Variants in TFDP2 observed in about 807,000 individuals in gnomAD.
TFDP2 encodes the protein transcription factor Dp-2 (E2F dimerization partner 2).
TFDP2 carries 17 observed loss-of-function variants against 59.3 expected under a neutral mutation model. The observed-to-expected ratio is 0.29, with a 90% confidence interval of 0.20 to 0.43. The LOEUF (loss-of-function observed/expected upper bound fraction) is 0.43, where lower values mean the gene tolerates loss of function less well. Among genes scored for constraint, TFDP2 ranks in the 20% least tolerant of loss-of-function variants. The probability of loss-of-function intolerance (pLI) is 1.00; values close to 1 mark genes in which losing one functional copy is unlikely to be tolerated. For synonymous variants in TFDP2, 180 were observed against 194.7 expected (o/e 0.92, Z 0.63); for missense variants, 391 against 528.8 (o/e 0.74, Z 2.56).
At chr3:142,113,507 C>T (rs1346050937) in intron 1 of TFDP2, among the ~76,000 whole-genome samples, 2 of 152,132 alleles carry the variant, frequency 1.3e-5, no homozygotes, top group East Asian at 1.9e-4. Flanking sequence ...TGATCCGCCC[C>T]GCCTCAGCCT....
At chr3:142,094,121 G>A (rs2061086791) in intron 2 of TFDP2, among the ~76,000 whole-genome samples, 1 of 151,862 alleles carries the variant, frequency 6.6e-6, no homozygotes, top group Non-Finnish European at 1.5e-5. Flanking sequence ...ACAAAGCCTG[G>A]AGGAAAAAAA....
At chr3:142,025,821 A>G (rs76166687) in intron 3 of TFDP2, among the ~76,000 whole-genome samples, 10,588 of 152,236 alleles carry the variant, frequency 0.07, 471 homozygotes, top group Non-Finnish European at 0.11. Context: ...TTCAAAGGCC[A>G]GGCGTGTGGG....
rs552798035 is a variant in TFDP2, at chr3:141,959,974, G to T, written c.885-134C>A. ...GCTAGAAATTGCTACCATTTAGAGA[G>T]CCATGAGTCATTCTGCTCTGTCAGG... On this transcript the variant is annotated intron_variant, in intron 10 of 12. Transcript: ENST00000489671. The T allele has an allele frequency of 3.2e-5, 24 of 750,260 alleles. 1 individual carries two copies. The South Asian group carries it at 4.5e-4, about 14-fold the overall frequency. 46.5% of individuals were successfully genotyped at this position (750,260 alleles called of 1,614,324 possible).
At chr3:142,118,271 T>G (rs903752434) in intron 1 of TFDP2, among the ~76,000 whole-genome samples, 4 of 152,230 alleles carry the variant, frequency 2.6e-5, no homozygotes, top group Middle Eastern at 6.8e-3. Context: ...ACTCTCAAAT[T>G]AGGAACTCTG....
intron 3 of TFDP2, among the ~76,000 whole-genome samples, chr3:142,042,181 G>A (rs1264008115): frequency 6.6e-6 from 1 of 152,004 alleles, no homozygotes; most frequent in Non-Finnish European, 1.5e-5. Context: ...TACTAATAAG[G>A]TGGTCTTATA....
chr3:141,984,814 G>T (rs1322918989), intron 6 of TFDP2, among the ~76,000 whole-genome samples: 1 of 152,164 alleles, frequency 6.6e-6, no homozygotes, highest in African/African-American at 2.4e-5. Flanking sequence ...TGTAGTTTAT[G>T]TATTATGTAT....
chr3:142,067,517 G>A (rs2060111448), intron 3 of TFDP2, among the ~76,000 whole-genome samples: 1 of 151,952 alleles, frequency 6.6e-6, no homozygotes, highest in Non-Finnish European at 1.5e-5. Context: ...TGAATAGGAA[G>A]AATCAATATT....
At chr3:142,120,409 G>A (rs1291120246) in intron 1 of TFDP2, among the ~76,000 whole-genome samples, 1 of 152,106 alleles carries the variant, frequency 6.6e-6, no homozygotes, top group African/African-American at 2.4e-5. Context: ...ATAGTGTTAC[G>A]TTTTCTTAAC....
intron 1 of TFDP2, among the ~76,000 whole-genome samples, chr3:142,109,984 C>T (rs2061597335): frequency 6.6e-6 from 1 of 152,072 alleles, no homozygotes; most frequent in Non-Finnish European, 1.5e-5. Context: ...TTCAAGTGAT[C>T]CTCCCACCTC....
rs1559959815 is a variant in TFDP2, at chr3:141,977,130, C to CTTTTTT, written c.519+1389_519+1390insAAAAAA. Among the ~76,000 whole-genome samples the CTTTTTT allele has an allele frequency of 2.7e-3, 307 of 113,102 alleles. 11 individuals are homozygous for CTTTTTT. The highest frequency in any genetic ancestry group is 4.2e-3 in the Non-Finnish European group (240 of 56,578). 74.2% of individuals were successfully genotyped at this position (113,102 alleles called of 152,430 possible). A position where few individuals can be genotyped will look rare whatever the true frequency, so the allele number is the denominator to read the frequency against. On this transcript the variant is annotated intron_variant, in intron 7 of 12. Coordinates refer to ENST00000489671, the MANE Select transcript of TFDP2 (RefSeq NM_001178139.2). ...TATTTTTTTTTTTTTTTTTTTTTTC[C>CTTTTTT]CCCCAAAGAGACGAAGTCTTGCTTT...
At chr3:142,139,011 T>G (rs1451843859) in intron 1 of TFDP2, among the ~76,000 whole-genome samples, 2 of 152,222 alleles carry the variant, frequency 1.3e-5, no homozygotes, top group African/African-American at 4.8e-5. Context: ...AGTCTCTTTG[T>G]AGGTCTCTAA....
At chr3:141,979,821 TCA>T (rs1179967374) in intron 6 of TFDP2, among the ~76,000 whole-genome samples, 1 of 152,102 alleles carries the variant, frequency 6.6e-6, no homozygotes, top group African/African-American at 2.4e-5. Context: ...ACTCCTGACC[TCA>T]GGTGATCTGC....
At chr3:142,071,541 T>C (rs758769782) in intron 3 of TFDP2, among the ~76,000 whole-genome samples, 39 of 152,322 alleles carry the variant, frequency 2.6e-4, no homozygotes, top group Admixed American at 1.0e-3. Flanking sequence ...ATGAAAAGAT[T>C]TGTGCAGATC....
chr3:142,043,553 G>C, intron 3 of TFDP2: 1 of 679,152 alleles, frequency 1.5e-6, no homozygotes. Context: ...AGCAGATAAA[G>C]GTTTCTTTTA....
chr3:141,954,021 G>A (rs931578248), intron 11 of TFDP2, among the ~76,000 whole-genome samples: 6 of 152,062 alleles, frequency 3.9e-5, no homozygotes, highest in East Asian at 1.9e-4. Context: ...TTAGCTGGGC[G>A]TTGTGGTGCA....
intron 3 of TFDP2, chr3:142,044,061 T>G (rs1947185806): frequency 1.5e-6 from 1 of 654,604 alleles, no homozygotes; most frequent in Admixed American, 2.1e-5. Flanking sequence ...TCAGCTCATC[T>G]TTGATCAGCT....
intron 3 of TFDP2, among the ~76,000 whole-genome samples, chr3:142,079,411 C>A (rs2060564826): frequency 6.6e-6 from 1 of 152,052 alleles, no homozygotes; most frequent in South Asian, 2.1e-4. Flanking sequence ...AAAAGCAAAT[C>A]TAAAAGTTGT....
rs995576449 is a variant in TFDP2, at chr3:142,121,913, G to T, written c.-92-20072C>A. 2.0e-5 allele frequency among the ~76,000 whole-genome samples: 3 copies of T among 151,814 alleles called. No homozygotes were observed. The highest frequency in any genetic ancestry group is 4.4e-5 in the Non-Finnish European group (3 of 67,988). Reference sequence around the variant, plus strand: ...TCTAGTCTGACCTAGGCAATCTAAAGAAGGGGAAAGAAAACACCTATCAGT... The same window carrying T: ...TCTAGTCTGACCTAGGCAATCTAAATAAGGGGAAAGAAAACACCTATCAGT... On this transcript the variant is annotated intron_variant, in intron 1 of 12. Transcript: ENST00000489671. The surrounding 1 kb of genome is among the most constrained non-coding windows in gnomAD (Gnocchi z 4.3).
chr3:141,959,524 G>GA, intron 11 of TFDP2, 150 bp downstream of exon 11: 3 of 777,384 alleles, frequency 3.9e-6, no homozygotes, highest in Middle Eastern at 2.5e-4. Flanking sequence ...TCTAATTTTT[G>GA]AAAAAATGGT....
Sources: allele counts gnomAD v4.1 joint callset (sites outside exome capture counted in the v4.1 genomes callset), GRCh38; gene constraint gnomAD v4.1.1; non-coding constraint Gnocchi (gnomAD v3.1); transcripts MANE v1.5; gene names NCBI Gene and HGNC (gene_info 2026-07-23, HGNC 2026-07-21).